Variants in EIF4G3 observed in about 807,000 individuals in gnomAD.
The protein encoded by EIF4G3 is eIF-4-gamma 3.
A neutral mutation model predicts 186.4 loss-of-function variants in EIF4G3; 34 were observed. The ratio of observed to expected loss-of-function variants is 0.18; its 90% CI spans 0.14 to 0.24. The LOEUF (loss-of-function observed/expected upper bound fraction) is 0.24. Among genes scored for constraint, EIF4G3 ranks in the 10% least tolerant of loss-of-function variants. The pLI is 1.00. For synonymous variants in EIF4G3, 673 were observed against 679.5 expected (o/e 0.99, Z 0.15); for missense variants, 1,536 against 1,948.5 (o/e 0.79, Z 3.99).
intron 3 of EIF4G3, among the ~76,000 whole-genome samples, chr1:21,081,171 G>A (rs1404718874): frequency 6.6e-6 from 1 of 152,122 alleles, no homozygotes; most frequent in African/African-American, 2.4e-5. Flanking sequence ...GGTGGCTCAC[G>A]CCTGTAATCC....
chr1:20,984,997 T>C (rs1240556850), intron 7 of EIF4G3, among the ~76,000 whole-genome samples: 1 of 152,196 alleles, frequency 6.6e-6, no homozygotes, highest in Non-Finnish European at 1.5e-5. Flanking sequence ...AATAACTTGC[T>C]GGAAGCCTCC....
intron 1 of EIF4G3, among the ~76,000 whole-genome samples, 166 bp from the exon 2 acceptor site, chr1:21,176,524 G>A (rs1190027452): frequency 1.4e-5 from 2 of 141,712 alleles, no homozygotes; most frequent in African/African-American, 2.6e-5. Context: ...GGGGAGCCTG[G>A]GGGGAGGAGG....
intron 12 of EIF4G3, among the ~76,000 whole-genome samples, chr1:20,959,952 A>G (rs567195696): frequency 2.0e-4 from 31 of 152,102 alleles, no homozygotes; most frequent in Non-Finnish European, 1.0e-4. Flanking sequence ...AACTGGTGGG[A>G]ATGTATAACC....
At chr1:21,063,500 T>C (rs746117951) in intron 3 of EIF4G3, among the ~76,000 whole-genome samples, 3 of 152,122 alleles carry the variant, frequency 2.0e-5, no homozygotes, top group Non-Finnish European at 2.9e-5. Context: ...TCTTAAAATA[T>C]ATATTTAGAA....
intron 3 of EIF4G3, among the ~76,000 whole-genome samples, chr1:21,053,410 G>A (rs1395772658): frequency 6.6e-6 from 1 of 151,334 alleles, no homozygotes; most frequent in African/African-American, 2.4e-5. Context: ...CCGTCTGGAA[G>A]GGAGGTGGGG....
intron 2 of EIF4G3, among the ~76,000 whole-genome samples, chr1:21,104,591 GAGCAAAGGGA>G (rs1356683845): frequency 6.6e-6 from 1 of 152,206 alleles, no homozygotes; most frequent in Non-Finnish European, 1.5e-5. Context: ...CTATGTTGCG[GAGCAAAGGGA>G]ATGCTTATAT....
Position 21,173,881 on chromosome 1 carries a change from T to G in EIF4G3, c.-272+2294A>C, listed in dbSNP as rs534488246. Among the ~76,000 whole-genome samples, 4 of 152,272 alleles carry G rather than the reference T, an allele frequency of 2.6e-5. No homozygotes were observed. The South Asian group carries it at 8.3e-4, about 32-fold the overall frequency. On this transcript the variant is annotated intron_variant, in intron 2 of 36. Transcript: ENST00000602326. ...TTGCGTCAAATACAAATTCCCATAC[T>G]CCCTCAGGGTAGAAAAGTAGAACTG... is the stretch of plus-strand genomic sequence containing the variant.
chr1:21,135,999 A>G (rs1435075834), intron 2 of EIF4G3, among the ~76,000 whole-genome samples: 2 of 144,256 alleles, frequency 1.4e-5, no homozygotes, highest in Admixed American at 1.4e-4. Flanking sequence ...CTGGCTAACA[A>G]GGTGAAACCC....
chr1:21,072,435 A>G (rs893840814), intron 3 of EIF4G3, among the ~76,000 whole-genome samples: 9 of 152,114 alleles, frequency 5.9e-5, no homozygotes, highest in African/African-American at 1.7e-4. Flanking sequence ...ATGGAGTCTC[A>G]CTCTGTCGCC....
At chr1:21,003,115 G>A (rs1358012887) in intron 4 of EIF4G3, among the ~76,000 whole-genome samples, 1 of 149,684 alleles carries the variant, frequency 6.7e-6, no homozygotes, top group Non-Finnish European at 1.5e-5. Flanking sequence ...TCCCACCTCA[G>A]CCTCTGGAGT....
intron 2 of EIF4G3, among the ~76,000 whole-genome samples, chr1:21,121,604 G>A (rs1039089262): frequency 5.3e-5 from 8 of 151,858 alleles, no homozygotes; most frequent in Non-Finnish European, 7.4e-5. Context: ...CTGAAACCCC[G>A]TCTCTACTAA....
Position 20,980,445 on chromosome 1 carries a change from G to A in EIF4G3, c.382C>T (p.Arg128Cys), listed in dbSNP as rs1230347995. The change falls in exon 10 of 37, where the codon CGT becomes TGT. Residue 128 changes from arginine (R) to cysteine (C), a missense_variant. By Grantham distance (180) the Arg-to-Cys change is radical (BLOSUM62 -3). Coordinates refer to ENST00000602326, the MANE Select transcript of EIF4G3 (RefSeq NM_001391906.1). ...QGPQYCIPQY[R>C]HSGPPYVGPP... The stretch of plus-strand genomic sequence containing the variant: ...CCAACATAAGGAGGGCCACTATGAC[G>A]GTACTAGAAAAGAGAAAGTATGAAT... The A allele has an allele frequency of 6.5e-6, 10 of 1,542,796 alleles. No individual in the cohort carries two copies. The highest frequency in any genetic ancestry group is 8.7e-6 in the Non-Finnish European group (10 of 1,152,568).
chr1:21,017,624 T>A (rs2089536120), intron 4 of EIF4G3, among the ~76,000 whole-genome samples: 1 of 83,628 alleles, frequency 1.2e-5, no homozygotes, highest in Non-Finnish European at 2.1e-5. Flanking sequence ...CAAGACTCCG[T>A]CTCAAAAAAA....
intron 20 of EIF4G3, among the ~76,000 whole-genome samples, chr1:20,874,443 A>G (rs2080169086): frequency 6.6e-6 from 1 of 151,934 alleles, no homozygotes; most frequent in African/African-American, 2.4e-5. Context: ...ACTTTTTTTC[A>G]TATATTTGTT....
At chr1:21,053,747 C>T (rs534013652) in intron 3 of EIF4G3, among the ~76,000 whole-genome samples, 24 of 148,638 alleles carry the variant, frequency 1.6e-4, no homozygotes, top group South Asian at 6.3e-4. Flanking sequence ...CCCGGCCAGC[C>T]GCCCCATCCG....
At chr1:21,101,798 A>G (rs1221313469) in intron 2 of EIF4G3, among the ~76,000 whole-genome samples, 1 of 152,126 alleles carries the variant, frequency 6.6e-6, no homozygotes, top group Non-Finnish European at 1.5e-5. Context: ...AACGTATCAT[A>G]AATACTTTCT....
chr1:20,928,735 T>C (rs1237801931), intron 14 of EIF4G3, among the ~76,000 whole-genome samples: 1 of 152,170 alleles, frequency 6.6e-6, no homozygotes, highest in Non-Finnish European at 1.5e-5. Context: ...TTTGTTGACA[T>C]ATAATTTACG....
At chr1:21,175,670 G>A (rs2098086729) in intron 2 of EIF4G3, 1 of 152,208 alleles carries the variant, frequency 6.6e-6, no homozygotes, top group Admixed American at 6.5e-5. Flanking sequence ...ACATACCTCG[G>A]AAACGAGCTG....
intron 4 of EIF4G3, among the ~76,000 whole-genome samples, chr1:21,031,722 A>G (rs1323101162): frequency 1.3e-5 from 2 of 152,202 alleles, no homozygotes; most frequent in Non-Finnish European, 2.9e-5. Context: ...TAAAATAAAA[A>G]GTATATCCAG....
Sources: allele counts gnomAD v4.1 joint callset (sites outside exome capture counted in the v4.1 genomes callset), GRCh38; gene constraint gnomAD v4.1.1; transcripts MANE v1.5; gene names NCBI Gene and HGNC (gene_info 2026-07-23, HGNC 2026-07-21).